Variants in SHISA9 observed in about 807,000 individuals in gnomAD.
SHISA9 encodes the protein protein shisa-9.
A neutral mutation model predicts 38.0 loss-of-function variants in SHISA9; 13 were observed. The observed-to-expected ratio is 0.34, with a 90% CI of 0.22 to 0.54. The LOEUF (loss-of-function observed/expected upper bound fraction) is 0.54. Ranked by LOEUF, SHISA9 falls within the 20% of genes least tolerant of loss-of-function variation. The pLI is 0.91. For missense variants in SHISA9, 538 were observed against 575.8 expected (o/e 0.93, Z 0.67); for synonymous variants, 275 against 242.0 (o/e 1.14, Z -1.27).
chr16:13,070,371 G>A (rs2073498970), intron 2 of SHISA9, among the ~76,000 whole-genome samples: 1 of 152,146 alleles, frequency 6.6e-6, no homozygotes, highest in Admixed American at 6.5e-5. Flanking sequence ...TGGTTGCCTA[G>A]GAAACCACCG....
At chr16:13,421,394 C>G in the SHISA9 span, among the ~76,000 whole-genome samples, 1 of 152,186 alleles carries the variant, frequency 6.6e-6, no homozygotes, top group Non-Finnish European at 1.5e-5. Context: ...AAAGGCACTT[C>G]TTACATGGCT....
intron 2 of SHISA9, among the ~76,000 whole-genome samples, chr16:13,068,301 A>T (rs2073458245): frequency 6.6e-6 from 1 of 152,206 alleles, no homozygotes; most frequent in Admixed American, 6.5e-5. Context: ...AGCCAACAGT[A>T]GTCATTCTTG....
chr16:13,386,069 C>A, the SHISA9 span, among the ~76,000 whole-genome samples: 1 of 152,076 alleles, frequency 6.6e-6, no homozygotes, highest in African/African-American at 2.4e-5. Flanking sequence ...TGTGACGGTG[C>A]CCATGGATAT....
chr16:13,437,306 A>T, the SHISA9 span, among the ~76,000 whole-genome samples: 3 of 152,066 alleles, frequency 2.0e-5, no homozygotes, highest in African/African-American at 4.8e-5. Flanking sequence ...CTCCCCTCCC[A>T]CTCTACCCTG....
the SHISA9 span, among the ~76,000 whole-genome samples, chr16:13,393,340 G>C: frequency 2.0e-5 from 3 of 152,198 alleles, no homozygotes; most frequent in Non-Finnish European, 4.4e-5. Context: ...ACTTTGCACT[G>C]GGCCCCCCAA....
intron 4 of SHISA9, among the ~76,000 whole-genome samples, chr16:13,220,013 C>G (rs1212444547): frequency 6.6e-6 from 1 of 152,122 alleles, no homozygotes; most frequent in African/African-American, 2.4e-5. Flanking sequence ...ATTGGGGGCT[C>G]TTCTTGGAAG....
chr16:13,042,236 T>C (rs2141889302), intron 2 of SHISA9, among the ~76,000 whole-genome samples: 1 of 152,282 alleles, frequency 6.6e-6, no homozygotes, highest in East Asian at 1.9e-4. Context: ...AGGAACTGTG[T>C]GTTCATGTTG....
chr16:13,248,905 T>C, the SHISA9 span, among the ~76,000 whole-genome samples: 3 of 152,180 alleles, frequency 2.0e-5, no homozygotes, highest in Admixed American at 6.5e-5. Flanking sequence ...GTAGACCTTA[T>C]GTGCATTACT....
intron 2 of SHISA9, among the ~76,000 whole-genome samples, chr16:13,115,695 G>C (rs746692707): frequency 5.3e-5 from 8 of 152,094 alleles, no homozygotes; most frequent in Admixed American, 1.3e-4. Flanking sequence ...TATGCCCCAG[G>C]CACCAAATAA....
intron 2 of SHISA9, among the ~76,000 whole-genome samples, chr16:13,044,194 G>A (rs1050380142): frequency 9.9e-5 from 15 of 152,180 alleles, no homozygotes; most frequent in Non-Finnish European, 1.8e-4. Context: ...TTTCAGACAC[G>A]CAAATGTAGA....
chr16:12,996,505 C>T (rs2141837233), intron 2 of SHISA9, among the ~76,000 whole-genome samples: 2 of 152,284 alleles, frequency 1.3e-5, no homozygotes, highest in South Asian at 4.1e-4. Context: ...TGCTGACTTG[C>T]CCACTTTACC....
At chr16:13,400,608 C>G in the SHISA9 span, among the ~76,000 whole-genome samples, 1 of 152,210 alleles carries the variant, frequency 6.6e-6, no homozygotes, top group Admixed American at 6.5e-5. Context: ...GACATCATAT[C>G]AAATCAGGAA....
chr16:13,201,559 C>T (rs1394579001), intron 2 of SHISA9, among the ~76,000 whole-genome samples: 1 of 133,894 alleles, frequency 7.5e-6, no homozygotes, highest in Non-Finnish European at 1.6e-5. Context: ...GCTACAAAGG[C>T]AGAGTTGAAT....
chr16:13,314,566 A>G, the SHISA9 span, among the ~76,000 whole-genome samples: 1 of 151,504 alleles, frequency 6.6e-6, no homozygotes, highest in Admixed American at 6.6e-5. Flanking sequence ...TAACAGCTTT[A>G]GTGAGGTATA....
the SHISA9 span, among the ~76,000 whole-genome samples, chr16:13,390,809 G>C: frequency 6.6e-6 from 1 of 152,164 alleles, no homozygotes. Flanking sequence ...AGATTTCATG[G>C]GCTGATGAAA....
chr16:13,078,380 T>G (rs983208556), intron 2 of SHISA9, among the ~76,000 whole-genome samples: 8 of 151,980 alleles, frequency 5.3e-5, no homozygotes, highest in African/African-American at 1.5e-4. Flanking sequence ...TGTATTATTT[T>G]TTATTGTTGT....
At chr16:13,210,871 G>A (rs1374317664) in intron 3 of SHISA9, among the ~76,000 whole-genome samples, 1 of 152,196 alleles carries the variant, frequency 6.6e-6, no homozygotes, top group Non-Finnish European at 1.5e-5. Flanking sequence ...ATGAAACTAT[G>A]CTGTCTTCTG....
chr16:13,384,548 C>T, the SHISA9 span, among the ~76,000 whole-genome samples: 1 of 152,148 alleles, frequency 6.6e-6, no homozygotes, highest in Non-Finnish European at 1.5e-5. Context: ...TTTTTCTCTA[C>T]CAAGAGCCAG....
chr16:12,935,611 G>A (rs1324230148), intron 2 of SHISA9, among the ~76,000 whole-genome samples: 3 of 152,144 alleles, frequency 2.0e-5, no homozygotes, highest in Admixed American at 1.3e-4. Context: ...ACTTTGGGAG[G>A]CTGAGGCAGG....
Sources: allele counts gnomAD v4.1 joint callset (sites outside exome capture counted in the v4.1 genomes callset), GRCh38; gene constraint gnomAD v4.1.1; transcripts MANE v1.5; gene names NCBI Gene and HGNC (gene_info 2026-07-23, HGNC 2026-07-21).